RANBP2: variants seen among roughly 807,000 people sequenced by gnomAD.
RANBP2 encodes RAN binding protein 2.
A neutral mutation model predicts 303.6 loss-of-function variants in RANBP2; 57 were observed. The observed-to-expected ratio is 0.19, with a 90% CI of 0.15 to 0.23. The LOEUF (loss-of-function observed/expected upper bound fraction) is 0.23. Among genes scored for constraint, RANBP2 ranks in the 10% least tolerant of loss-of-function variants. RANBP2 has a pLI of 1.00. For synonymous variants in RANBP2, 1,167 were observed against 1,301.5 expected, an observed-to-expected ratio of 0.90 and a Z score of 2.23; for missense variants, 3,138 against 3,780.8, an observed-to-expected ratio of 0.83 and a Z score of 4.46.
the RANBP2 span, chr2:108,906,505 C>A: frequency 1.1e-6 from 1 of 901,336 alleles, no homozygotes; most frequent in African/African-American, 1.6e-5. Context: ...GTGTCAGCAG[C>A]CCAGCCCTGA....
the RANBP2 span, chr2:109,313,435 G>C: frequency 6.5e-6 from 1 of 153,616 alleles, no homozygotes; most frequent in African/African-American, 2.4e-5. Flanking sequence ...ATGGATACAA[G>C]GCCAGGCCTC....
the RANBP2 span, among the ~76,000 whole-genome samples, chr2:108,951,342 G>T: frequency 6.6e-6 from 1 of 152,204 alleles, no homozygotes; most frequent in Non-Finnish European, 1.5e-5. Flanking sequence ...TGGTCACAAA[G>T]AACTGAACCA....
the RANBP2 span, among the ~76,000 whole-genome samples, chr2:109,661,524 G>C: frequency 1.3e-5 from 2 of 152,168 alleles, no homozygotes; most frequent in Non-Finnish European, 2.9e-5. Flanking sequence ...GGGATTATAG[G>C]CATGAGTCAC....
chr2:109,598,343 T>C, the RANBP2 span, among the ~76,000 whole-genome samples: 36 of 152,014 alleles, frequency 2.4e-4, no homozygotes, highest in African/African-American at 8.0e-4. Flanking sequence ...GCTGGGATTA[T>C]AGGCGTGAGC....
At chr2:109,106,255 C>T in the RANBP2 span, among the ~76,000 whole-genome samples, 9 of 152,248 alleles carry the variant, frequency 5.9e-5, no homozygotes, top group Non-Finnish European at 1.3e-4. Flanking sequence ...AAATTCTTCC[C>T]TTCAGGAGGC....
chr2:109,451,542 T>C, the RANBP2 span, among the ~76,000 whole-genome samples: 68 of 151,066 alleles, frequency 4.5e-4, no homozygotes, highest in African/African-American at 1.5e-3. Context: ...CATTACGTCC[T>C]GTACGAATCT....
At chr2:109,432,758 G>C in the RANBP2 span, 432 of 1,483,474 alleles carry the variant, frequency 2.9e-4, 1 homozygote, top group Middle Eastern at 6.4e-4. Flanking sequence ...AGGCTACTCT[G>C]TCAGCCGGGC....
chr2:109,614,932 T>C, the RANBP2 span: 38 of 1,508,020 alleles, frequency 2.5e-5, no homozygotes, highest in East Asian at 8.1e-4. Flanking sequence ...TGGCCGCCCC[T>C]GAGCGCCGGG....
At chr2:108,751,470 A>C in intron 10 of RANBP2, 25 bp downstream of exon 10, 1 of 1,611,814 alleles carries the variant, frequency 6.2e-7, no homozygotes, top group Non-Finnish European at 8.5e-7. Context: ...TAACAAATTA[A>C]ATATTCTGAA....
chr2:108,824,355 AT>A, the RANBP2 span, among the ~76,000 whole-genome samples: 2 of 152,132 alleles, frequency 1.3e-5, no homozygotes, highest in Non-Finnish European at 2.9e-5. Flanking sequence ...TATTTAAAAA[AT>A]TTTTATTTTA....
At chr2:108,762,758 G>T (rs1439078402) in intron 19 of RANBP2, among the ~76,000 whole-genome samples, 1 of 151,528 alleles carries the variant, frequency 6.6e-6, no homozygotes, top group Non-Finnish European at 1.5e-5. Flanking sequence ...GCTTAGAACA[G>T]TGCCCAGCTG....
chr2:109,723,852 C>A, the RANBP2 span, among the ~76,000 whole-genome samples: 1 of 152,098 alleles, frequency 6.6e-6, no homozygotes, highest in Non-Finnish European at 1.5e-5. Context: ...CATGCCTATG[C>A]CCTGAATGGT....
At chr2:108,803,062 G>C in the RANBP2 span, among the ~76,000 whole-genome samples, 1 of 152,222 alleles carries the variant, frequency 6.6e-6, no homozygotes, top group Non-Finnish European at 1.5e-5. Context: ...TGAGACTTGG[G>C]TAACAGTTTA....
the RANBP2 span, among the ~76,000 whole-genome samples, chr2:108,917,146 C>T: frequency 1.7e-4 from 26 of 152,256 alleles, no homozygotes; most frequent in African/African-American, 4.6e-4. Flanking sequence ...GGCCGACAGG[C>T]GAGGGAAGGT....
At chr2:108,994,707 G>A in the RANBP2 span, among the ~76,000 whole-genome samples, 1 of 151,460 alleles carries the variant, frequency 6.6e-6, no homozygotes, top group Non-Finnish European at 1.5e-5. Context: ...GGGGTCATGG[G>A]ATTATCATGC....
the RANBP2 span, among the ~76,000 whole-genome samples, chr2:109,392,544 C>G: frequency 6.6e-6 from 1 of 151,988 alleles, no homozygotes; most frequent in Non-Finnish European, 1.5e-5. Flanking sequence ...GAGTCTCGCA[C>G]TGTTGCCCAG....
chr2:108,971,085 G>C, the RANBP2 span, among the ~76,000 whole-genome samples: 1 of 152,190 alleles, frequency 6.6e-6, no homozygotes, highest in East Asian at 1.9e-4. Flanking sequence ...TGCTCACTGG[G>C]GGATTCTTCA....
At chr2:109,172,068 C>T in the RANBP2 span, among the ~76,000 whole-genome samples, 1 of 152,160 alleles carries the variant, frequency 6.6e-6, no homozygotes, top group Non-Finnish European at 1.5e-5. Flanking sequence ...GTTTGGAGCA[C>T]GAGGGAAAAC....
At chr2:108,850,504 T>C in the RANBP2 span, among the ~76,000 whole-genome samples, 1 of 152,092 alleles carries the variant, frequency 6.6e-6, no homozygotes, top group South Asian at 2.1e-4. Flanking sequence ...CAGGCTGGAG[T>C]GCAGTGGCAC....
Sources: allele counts gnomAD v4.1 joint callset (sites outside exome capture counted in the v4.1 genomes callset), GRCh38; gene constraint gnomAD v4.1.1; transcripts MANE v1.5; gene names NCBI Gene and HGNC (gene_info 2026-07-23, HGNC 2026-07-21).